Variants in ATE1 observed in about 807,000 individuals in gnomAD.
The protein encoded by ATE1 is arginyltransferase 1.
A neutral mutation model predicts 70.5 loss-of-function variants in ATE1; 36 were observed. The ratio of observed to expected loss-of-function variants is 0.51; its 90% CI spans 0.39 to 0.67. The LOEUF is 0.67. Among genes scored for constraint, ATE1 ranks in the 30% least tolerant of loss-of-function variants. ATE1 has a pLI of 0.00. For missense variants in ATE1, 593 were observed against 629.5 expected (o/e 0.94, Z 0.62); for synonymous variants, 232 against 219.3 (o/e 1.06, Z -0.51).
At chr10:121,852,852 G>T (rs1458942684) in intron 8 of ATE1, among the ~76,000 whole-genome samples, 1 of 152,072 alleles carries the variant, frequency 6.6e-6, no homozygotes, top group African/African-American at 2.4e-5. Flanking sequence ...TTTGGAAAAT[G>T]CAACTAGTAA....
chr10:121,876,966 CAAAA>C (rs869058660), intron 7 of ATE1, among the ~76,000 whole-genome samples: 173 of 91,694 alleles, frequency 1.9e-3, no homozygotes, highest in African/African-American at 6.3e-3. Flanking sequence ...ACTCCAGTCT[CAAAA>C]AAAAAAAAAA....
At chr10:121,757,057 A>C (rs1220068007) in intron 11 of ATE1, among the ~76,000 whole-genome samples, 4 of 152,124 alleles carry the variant, frequency 2.6e-5, no homozygotes, top group Non-Finnish European at 5.9e-5. Context: ...AACAGCACCC[A>C]AGTCACCTCT....
intron 8 of ATE1, among the ~76,000 whole-genome samples, chr10:121,851,001 G>A (rs1464172324): frequency 1.4e-5 from 2 of 139,862 alleles, no homozygotes; most frequent in East Asian, 4.7e-4. Context: ...TGAGGCAGGA[G>A]AATGGCGTGA....
rs1209261936 is a variant in ATE1, at chr10:121,886,294, T to A, written c.942+13572A>T. Among the ~76,000 whole-genome samples, 331 of 145,486 alleles carry A rather than the reference T, an allele frequency of 2.3e-3. 1 individual carries two copies. The highest frequency in any genetic ancestry group is 7.6e-3 in the African/African-American group (303 of 40,040). ...AAAAACCAAAAATACATTGATGATT[T>A]AAAAAAAAAAAAAACCCACCTCCTG... On this transcript the variant is annotated intron_variant, in intron 7 of 11. Coordinates refer to ENST00000224652, the MANE Select transcript of ATE1 (RefSeq NM_001001976.3).
At chr10:121,815,190 CAG>C (rs1419420323) in intron 10 of ATE1, among the ~76,000 whole-genome samples, 1 of 152,244 alleles carries the variant, frequency 6.6e-6, no homozygotes, top group Non-Finnish European at 1.5e-5. Flanking sequence ...GGCTGGACTG[CAG>C]TGGCGCAATC....
At chr10:121,755,982 C>G (rs896995072) in intron 11 of ATE1, among the ~76,000 whole-genome samples, 2 of 152,142 alleles carry the variant, frequency 1.3e-5, no homozygotes, top group African/African-American at 4.8e-5. Flanking sequence ...CAGAATTAAC[C>G]CCAAAGTCCA....
intron 10 of ATE1, among the ~76,000 whole-genome samples, chr10:121,823,244 C>G (rs1213231149): frequency 6.6e-6 from 1 of 151,932 alleles, no homozygotes; most frequent in Non-Finnish European, 1.5e-5. Context: ...GAGCTGAGAT[C>G]GCACCACTGC....
intron 3 of ATE1, among the ~76,000 whole-genome samples, chr10:121,914,644 A>G (rs1951570381): frequency 1.3e-5 from 2 of 152,188 alleles, no homozygotes; most frequent in South Asian, 4.1e-4. Context: ...TTTTCGAAGC[A>G]GTTAGGATAG....
chr10:121,765,612 C>T (rs1004688655), intron 11 of ATE1, among the ~76,000 whole-genome samples: 25 of 152,142 alleles, frequency 1.6e-4, no homozygotes, highest in African/African-American at 5.3e-4. Context: ...AAAAATAATG[C>T]TCCAGGACAG....
In ATE1 at chr10:121,899,272, C is replaced by G. The variant is rs536776657; in HGVS notation, c.942+594G>C. On this transcript the variant is annotated intron_variant, in intron 7 of 11. Coordinates refer to ENST00000224652, the MANE Select transcript of ATE1 (RefSeq NM_001001976.3). ...TATTGTTGTTAATCATGGTGATGAT[C>G]GCTACTTTTGCCACCTCTACTTATA... 2.6e-5 allele frequency among the ~76,000 whole-genome samples: 4 copies of G among 152,130 alleles called. No homozygotes were observed. In the East Asian group the frequency reaches 5.8e-4, roughly 22 times the overall value.
chr10:121,838,710 T>C (rs928514582), intron 9 of ATE1, among the ~76,000 whole-genome samples: 1 of 152,194 alleles, frequency 6.6e-6, no homozygotes, highest in African/African-American at 2.4e-5. Flanking sequence ...GAAACCTGTC[T>C]TATTCATGTC....
intron 3 of ATE1, among the ~76,000 whole-genome samples, chr10:121,915,218 T>TA (rs1951599589): frequency 6.6e-6 from 1 of 152,066 alleles, no homozygotes; most frequent in South Asian, 2.1e-4. Flanking sequence ...AAGGTGTTAT[T>TA]AAATAAACAA....
intron 7 of ATE1, among the ~76,000 whole-genome samples, chr10:121,895,921 C>G (rs1190024379): frequency 7.2e-6 from 1 of 138,830 alleles, no homozygotes; most frequent in South Asian, 2.3e-4. Context: ...TGTCTCCCCC[C>G]ACCAAAAAAA....
chr10:121,869,543 A>G (rs1391844704), intron 8 of ATE1, among the ~76,000 whole-genome samples: 2 of 152,202 alleles, frequency 1.3e-5, no homozygotes, highest in Admixed American at 6.5e-5. Flanking sequence ...CAGCACCTCA[A>G]TAACTTTGCT....
chr10:121,900,943 A>G (rs1950957379), intron 6 of ATE1, among the ~76,000 whole-genome samples: 1 of 152,302 alleles, frequency 6.6e-6, no homozygotes, highest in East Asian at 1.9e-4. Context: ...AAAAATCTGT[A>G]TCCAAATCAG....
chr10:121,780,268 G>A (rs570459126), intron 11 of ATE1, among the ~76,000 whole-genome samples: 35 of 152,280 alleles, frequency 2.3e-4, no homozygotes, highest in African/African-American at 7.7e-4. Context: ...CAGAAAAGAA[G>A]TCAGCATTAA....
At chr10:121,910,523 TATA>T (rs939265463) in intron 5 of ATE1, among the ~76,000 whole-genome samples, 3 of 152,230 alleles carry the variant, frequency 2.0e-5, no homozygotes, top group Non-Finnish European at 2.9e-5. Flanking sequence ...TGAAGAATTT[TATA>T]ATGTCTGTAT....
intron 8 of ATE1, among the ~76,000 whole-genome samples, chr10:121,861,788 T>G (rs1380303269): frequency 6.6e-6 from 1 of 150,924 alleles, no homozygotes; most frequent in Non-Finnish European, 1.5e-5. Context: ...CAACTTACAC[T>G]GACTCAATTA....
In ATE1 at chr10:121,927,069, T is replaced by C. The variant is rs548861436; in HGVS notation, c.106+775A>G. ...ACAAAGCTAGACTGTTCTATTAAAA[T>C]AATAGAGTCTACATTCTATATTGGC... On this transcript the variant is annotated intron_variant, in intron 1 of 11. Transcript: ENST00000224652. 3 of 985,410 alleles carry C rather than the reference T, an allele frequency of 3.0e-6. No homozygotes were observed. The African/African-American group carries it at 5.2e-5, about 17-fold the overall frequency. The allele number at this position is 985,410 out of a possible 1,614,324, so 61.0% of individuals were successfully genotyped here. A position where few individuals can be genotyped will look rare whatever the true frequency, so the allele number is the denominator to read the frequency against.
Sources: allele counts gnomAD v4.1 joint callset (sites outside exome capture counted in the v4.1 genomes callset), GRCh38; gene constraint gnomAD v4.1.1; transcripts MANE v1.5; gene names NCBI Gene and HGNC (gene_info 2026-07-23, HGNC 2026-07-21).